Variants in ANKMY1 observed in about 807,000 individuals in gnomAD.
ANKMY1 encodes the protein ankyrin repeat and MYND domain containing 1.
ANKMY1 carries 98 observed loss-of-function variants against 102.0 expected under a neutral mutation model. The ratio of observed to expected loss-of-function variants is 0.96; its 90% CI spans 0.82 to 1.14. ANKMY1 has a LOEUF of 1.14. ANKMY1 is among the 50% of genes most tolerant of loss of function. The probability of loss-of-function intolerance (pLI) is 0.00; values close to 1 mark genes in which losing one functional copy is unlikely to be tolerated. For synonymous variants in ANKMY1, 582 were observed against 559.9 expected (o/e 1.04, Z -0.56); for missense variants, 1,330 against 1,347.6 (o/e 0.99, Z 0.20).
At chr2:240,556,146 AC>A (rs1326410493) in intron 2 of ANKMY1, among the ~76,000 whole-genome samples, 1 of 151,790 alleles carries the variant, frequency 6.6e-6, no homozygotes, top group Non-Finnish European at 1.5e-5. Flanking sequence ...CATCTTCACC[AC>A]CCCATCTAAA....
chr2:240,556,220 G>A (rs193245580), intron 2 of ANKMY1, among the ~76,000 whole-genome samples: 106 of 152,320 alleles, frequency 7.0e-4, no homozygotes, highest in African/African-American at 2.5e-3. Flanking sequence ...CTTGTGGGGT[G>A]CCTGCATAAA....
rs1308976517 is a variant in ANKMY1, at chr2:240,546,536, A to G, written c.480+6378T>C. On this transcript the variant is annotated intron_variant, in intron 4 of 17. Coordinates refer to ENST00000401804, the MANE Select transcript of ANKMY1 (RefSeq NM_001282771.3). Reference sequence around the variant, plus strand: ...TATTAACTTTAAATGTAAATGGACTAAATGCTCCAATTAAAAGACACAGAC... The same window carrying G: ...TATTAACTTTAAATGTAAATGGACTGAATGCTCCAATTAAAAGACACAGAC... Among the ~76,000 whole-genome samples the G allele has an allele frequency of 1.6e-4, 24 of 152,318 alleles. No individual in the cohort carries two copies. In the South Asian group the frequency reaches 3.5e-3, roughly 22 times the overall value.
chr2:240,481,006 T>C lies in ANKMY1; in HGVS notation c.2977A>G (p.Ser993Gly), dbSNP rs1307715693. The C allele has an allele frequency of 6.2e-7, 1 of 1,613,884 alleles. No homozygotes were observed. Among genetic ancestry groups the C allele is most frequent in the Non-Finnish European group, 8.5e-7 (1 of 1,179,910 alleles). Reference protein sequence around the residue: ...CPRCYGILTCSKYCKTKAWTE... With the variant: ...CPRCYGILTCGKYCKTKAWTE... ...CAGGCCTTGGTCTTGCAGTACTTGCTGCAGGTCAGGATCCCGTAGCAGCGA... is the reference window on the plus strand; with the variant it reads ...CAGGCCTTGGTCTTGCAGTACTTGCCGCAGGTCAGGATCCCGTAGCAGCGA... The change falls in exon 17 of 18, where the codon AGC (serine) becomes GGC (glycine). Residue 993 changes from serine (S) to glycine (G), a missense_variant. Coordinates refer to ENST00000401804, the MANE Select transcript of ANKMY1 (RefSeq NM_001282771.3).
chr2:240,519,531 G>C (rs567761746), intron 9 of ANKMY1, among the ~76,000 whole-genome samples: 1 of 152,308 alleles, frequency 6.6e-6, no homozygotes, highest in African/African-American at 2.4e-5. Flanking sequence ...ACGCCTCTGA[G>C]AGGAGGAGCA....
intron 7 of ANKMY1, among the ~76,000 whole-genome samples, chr2:240,524,829 T>C (rs1301790859): frequency 3.3e-5 from 5 of 152,252 alleles, no homozygotes; most frequent in African/African-American, 4.8e-5. Context: ...CTCCCAAATT[T>C]TAATTACACG....
chr2:240,478,385 A>C (rs768244428), downstream of ANKMY1, among the ~76,000 whole-genome samples: 14 of 152,236 alleles, frequency 9.2e-5, no homozygotes, highest in Non-Finnish European at 1.8e-4. Context: ...TCAAATAAGT[A>C]TCCATTAGCA....
downstream of ANKMY1, among the ~76,000 whole-genome samples, chr2:240,478,131 G>T (rs1435594452): frequency 6.6e-6 from 1 of 152,186 alleles, no homozygotes; most frequent in African/African-American, 2.4e-5. Flanking sequence ...CTCCAGCCAT[G>T]CGAAGTGCCG....
At chr2:240,542,220 A>G (rs1445239856) in intron 4 of ANKMY1, among the ~76,000 whole-genome samples, 3 of 151,784 alleles carry the variant, frequency 2.0e-5, no homozygotes, top group Non-Finnish European at 1.5e-5. Flanking sequence ...AAAAAAAAAA[A>G]AAAAGGGCCA....
the ANKMY1 span, among the ~76,000 whole-genome samples, chr2:240,468,675 C>T: frequency 6.6e-6 from 1 of 152,206 alleles, no homozygotes; most frequent in African/African-American, 2.4e-5. Flanking sequence ...GCAGCCAGTA[C>T]AGGTTGGTCT....
chr2:240,481,593 C>G (rs1403584996), intron 16 of ANKMY1, among the ~76,000 whole-genome samples: 1 of 152,194 alleles, frequency 6.6e-6, no homozygotes, highest in African/African-American at 2.4e-5. Flanking sequence ...TCCATCACCT[C>G]GATGGGTTGC....
At chr2:240,527,028 G>A (rs1208155632) in intron 5 of ANKMY1, 1 of 983,036 alleles carries the variant, frequency 1.0e-6, no homozygotes, top group Non-Finnish European at 1.2e-6. Context: ...ATGATGGATG[G>A]ATGGATGGTT....
chr2:240,478,175 G>A (rs187569366), downstream of ANKMY1, among the ~76,000 whole-genome samples: 100 of 152,292 alleles, frequency 6.6e-4, no homozygotes, highest in African/African-American at 2.3e-3. Context: ...GATTGAAGCT[G>A]AGCACATGCC....
chr2:240,526,091 G>A (rs1485811623), intron 6 of ANKMY1, 138 bp downstream of exon 6: 5 of 1,128,206 alleles, frequency 4.4e-6, no homozygotes, highest in African/African-American at 1.5e-5. Flanking sequence ...GCTGAACGGC[G>A]AGGTGGAGGT....
rs747589334 is a variant in ANKMY1 at position 240,520,383 on chromosome 2, G to A, written c.1983C>T (p.Thr661=). The change falls in exon 9 of 18, where the codon ACC becomes ACT. Residue 661 remains threonine (T), a synonymous_variant. Transcript: ENST00000401804. This position sits in a 1 kb window ranked among gnomAD's most constrained non-coding sequence, Gnocchi z 4.8. The stretch of plus-strand genomic sequence containing the variant: ...CTACCTGCGGCGGAAAGCAGATGTC[G>A]GTCCTCGCCCCGTGCTCCAGCAGCA... ...VRLLLEHGAR[T]DICFPPQLST... 9.5e-6 allele frequency: 15 copies of A among 1,571,600 alleles called. No individual in the cohort carries two copies. The Admixed American group carries it at 2.8e-4, about 30-fold the overall frequency.
At chr2:240,515,677 T>C (rs1232309580) in intron 9 of ANKMY1, among the ~76,000 whole-genome samples, 14 of 152,102 alleles carry the variant, frequency 9.2e-5, no homozygotes, top group Admixed American at 8.5e-4. Context: ...AGGGTAAAAT[T>C]TGTTTTTCTC....
chr2:240,533,803 A>G (rs2086062984), intron 4 of ANKMY1, among the ~76,000 whole-genome samples: 1 of 152,184 alleles, frequency 6.6e-6, no homozygotes, highest in Non-Finnish European at 1.5e-5. Context: ...CAAAAAATGT[A>G]AAATGAAGAA....
At position 240,511,751 on chromosome 2, in the gene ANKMY1, T is replaced by TAC. The variant is rs909561231; in HGVS notation, c.2286+109_2286+110insGT. ...CCCCATCCTTCCAAGCTCCCTGGCT[T>TAC]CTGCCTAAGACTCAGCATGAGAACA... On this transcript the variant is annotated intron_variant, in intron 11 of 17. Transcript: ENST00000401804. The TAC allele has an allele frequency of 8.3e-5, 113 of 1,363,612 alleles. No individual in the cohort carries two copies. In the Middle Eastern group the frequency reaches 1.6e-3, roughly 20 times the overall value. The allele number at this position is 1,363,612 out of a possible 1,614,324, so 84.5% of individuals were successfully genotyped here.
rs1271850994 is a variant in ANKMY1, at chr2:240,499,858, C to A, written c.2806+100G>T. The A allele has an allele frequency of 2.8e-6, 4 of 1,421,228 alleles. No homozygotes were observed. The highest frequency in any genetic ancestry group is 3.7e-6 in the Non-Finnish European group (4 of 1,073,432). The allele number at this position is 1,421,228 out of a possible 1,614,324, so 88.0% of individuals were successfully genotyped here. On this transcript the variant is annotated intron_variant, in intron 15 of 17. Coordinates refer to ENST00000401804, the MANE Select transcript of ANKMY1 (RefSeq NM_001282771.3). This position sits in a 1 kb window ranked among gnomAD's most constrained non-coding sequence, Gnocchi z 4.2. Reference sequence around the variant, plus strand: ...GAGCCCAGCCCCAGGAAGGCCCCTCCAAGAGCCCCAGGGGGTCCAGATCTC... The same window carrying A: ...GAGCCCAGCCCCAGGAAGGCCCCTCAAAGAGCCCCAGGGGGTCCAGATCTC...
At chr2:240,552,850 T>A (rs4676427) in intron 4 of ANKMY1, 64 bp downstream of exon 4, 4 of 1,609,536 alleles carry the variant, frequency 2.5e-6, no homozygotes, top group Non-Finnish European at 3.4e-6. Context: ...AATATCTTTT[T>A]GTCCAGTGGC....
Sources: gnomAD v4.1 joint callset for allele counts (sites outside exome capture counted in the v4.1 genomes callset) on GRCh38, gnomAD v4.1.1 for gene constraint, Gnocchi (gnomAD v3.1) non-coding constraint, MANE v1.5 for transcripts, NCBI Gene and HGNC (gene_info 2026-07-23, HGNC 2026-07-21) for gene names.